INPP5K: variants seen among roughly 807,000 people sequenced by gnomAD.
INPP5K encodes the protein inositol polyphosphate 5-phosphatase K.
Under a neutral mutation model 53.5 loss-of-function variants are expected in INPP5K, and 35 were observed. That is an observed-to-expected ratio of 0.65 (90% confidence interval 0.50 to 0.87). The LOEUF (loss-of-function observed/expected upper bound fraction) is 0.87, where lower values mean the gene tolerates loss of function less well. Among genes scored for constraint, INPP5K ranks in the 40% least tolerant of loss-of-function variants. The probability of loss-of-function intolerance (pLI) is 0.00; values close to 1 mark genes in which losing one functional copy is unlikely to be tolerated. For missense variants in INPP5K, 550 were observed against 586.2 expected, an observed-to-expected ratio of 0.94 and a Z score of 0.64; for synonymous variants, 253 against 232.8, an observed-to-expected ratio of 1.09 and a Z score of -0.79.
intron 1 of INPP5K, among the ~76,000 whole-genome samples, chr17:1,515,050 G>A (rs1054689537): frequency 1.3e-5 from 2 of 151,998 alleles, no homozygotes; most frequent in Non-Finnish European, 2.9e-5. Context: ...GGGATTACAG[G>A]TGTGTGCCAC....
rs751762669 is a variant in INPP5K at position 1,495,896 on chromosome 17, G to A, written c.1291-17C>T. On this transcript the variant is annotated splice_polypyrimidine_tract_variant and intron_variant, in intron 11 of 11. Coordinates refer to ENST00000421807, the MANE Select transcript of INPP5K (RefSeq NM_016532.4). ...AGGCGGGATCTGCAGGGATAAAGCA[G>A]GTGGTGGAAATGGAGAGCGGGTCTT... The A allele has an allele frequency of 1.2e-5, 20 of 1,606,310 alleles. 1 individual carries two copies. The highest frequency in any genetic ancestry group is 1.0e-4 in the Admixed American group (6 of 59,688).
Position 1,513,902 on chromosome 17 carries a change from C to A in INPP5K, c.122G>T (p.Arg41Leu), listed in dbSNP as rs774454087. 1 of 1,613,344 alleles carries A rather than the reference C, an allele frequency of 6.2e-7. No homozygotes were observed. Among genetic ancestry groups the A allele is most frequent in the East Asian group, 2.2e-5 (1 of 44,864 alleles). Reference sequence around the variant, plus strand: ...AACATATATGTCAAGATTGAGGTTCCGGTTGTTCAGCTGAAGCAGGTCACT... The same window carrying A: ...AACATATATGTCAAGATTGAGGTTCAGGTTGTTCAGCTGAAGCAGGTCACT... ...DLSDLLQLNN[R>L]NLNLDIYVIG... The change falls in exon 2 of 12, where the codon CGG (arginine) becomes CTG (leucine). Residue 41 changes from arginine (R) to leucine (L), a missense_variant. By Grantham distance (102) the Arg-to-Leu change is moderately radical. Coordinates refer to ENST00000421807, the MANE Select transcript of INPP5K (RefSeq NM_016532.4).
chr17:1,505,599 T>C (rs994531047), intron 7 of INPP5K, among the ~76,000 whole-genome samples: 4 of 152,070 alleles, frequency 2.6e-5, no homozygotes, highest in African/African-American at 9.7e-5. Flanking sequence ...GACCCTACCC[T>C]GTCTTGCTCC....
chr17:1,497,223 C>T (rs1027749056), intron 8 of INPP5K, among the ~76,000 whole-genome samples: 4 of 152,228 alleles, frequency 2.6e-5, no homozygotes, highest in African/African-American at 4.8e-5. Flanking sequence ...CGGTGGCTCA[C>T]ACCCATAATC....
At chr17:1,508,419 G>A (rs1490236631) in intron 5 of INPP5K, 193 bp from the exon 6 acceptor site, 1 of 581,614 alleles carries the variant, frequency 1.7e-6, no homozygotes, top group African/African-American at 1.9e-5. Context: ...AAACCGGAGA[G>A]ACCTACCAAA....
chr17:1,514,003 G>A, intron 1 of INPP5K, 24 bp from the exon 2 acceptor site: 1 of 1,539,382 alleles, frequency 6.5e-7, no homozygotes, highest in South Asian at 1.1e-5. Flanking sequence ...GCAGAGGGAA[G>A]TCATGGAGGA....
intron 2 of INPP5K, 56 bp from the exon 3 acceptor site, chr17:1,513,617 A>G: frequency 6.9e-7 from 1 of 1,443,704 alleles, no homozygotes; most frequent in Non-Finnish European, 9.8e-7. Context: ...TTCCCCTGCC[A>G]CAGATATTTG....
intron 7 of INPP5K, among the ~76,000 whole-genome samples, chr17:1,501,841 AC>A (rs750995228): frequency 6.0e-5 from 9 of 149,984 alleles, no homozygotes; most frequent in Admixed American, 2.7e-4. Context: ...ACATGGTGAA[AC>A]CCCGTCTCTA....
intron 3 of INPP5K, among the ~76,000 whole-genome samples, chr17:1,512,378 G>A (rs2075329489): frequency 1.3e-5 from 2 of 152,102 alleles, no homozygotes; most frequent in African/African-American, 4.8e-5. Context: ...GATGTGGAGG[G>A]AACCAAGGAC....
chr17:1,504,054 G>A (rs2075098781), intron 7 of INPP5K, among the ~76,000 whole-genome samples: 1 of 152,194 alleles, frequency 6.6e-6, no homozygotes, highest in Non-Finnish European at 1.5e-5. Flanking sequence ...GCCTCTCCTA[G>A]CTTTAGCTGT....
At chr17:1,514,054 G>T in intron 1 of INPP5K, 75 bp from the exon 2 acceptor site, 1 of 975,472 alleles carries the variant, frequency 1.0e-6, no homozygotes, top group Non-Finnish European at 1.5e-6. Context: ...GGGCGCAGAG[G>T]CTCACACGTT....
At chr17:1,508,491 CG>C (rs1216666380) in intron 5 of INPP5K, 2 of 445,480 alleles carry the variant, frequency 4.5e-6, no homozygotes, top group African/African-American at 4.0e-5. Context: ...TAACTGGTCA[CG>C]AGGAAAGGCT....
chr17:1,507,318 T>C (rs1348106315), intron 6 of INPP5K: 2 of 550,546 alleles, frequency 3.6e-6, no homozygotes, highest in Non-Finnish European at 6.4e-6. Context: ...CTGTCTGCCG[T>C]TTCCCAGTCC....
chr17:1,496,983 G>A (rs534137237), intron 8 of INPP5K, among the ~76,000 whole-genome samples, 180 bp from the exon 9 acceptor site: 3 of 152,220 alleles, frequency 2.0e-5, no homozygotes, highest in Non-Finnish European at 4.4e-5. Context: ...AAAGAGGGCC[G>A]AACACCAGTC....
At chr17:1,509,519 C>T (rs2075256591) in intron 4 of INPP5K, among the ~76,000 whole-genome samples, 164 bp downstream of exon 4, 1 of 152,130 alleles carries the variant, frequency 6.6e-6, no homozygotes, top group African/African-American at 2.4e-5. Context: ...CCCAGCTCGC[C>T]TCGCCTGGCC....
chr17:1,511,851 G>T (rs2075316766), intron 3 of INPP5K, among the ~76,000 whole-genome samples: 1 of 143,136 alleles, frequency 7.0e-6, no homozygotes, highest in Admixed American at 7.0e-5. Flanking sequence ...CTTTGTGAAG[G>T]AGCAGCAGGG....
chr17:1,516,539 G>C lies in INPP5K; in HGVS notation c.-40C>G. 6.5e-7 allele frequency: 1 copy of C among 1,538,032 alleles called. No individual in the cohort carries two copies. Among genetic ancestry groups the C allele is most frequent in the East Asian group, 2.5e-5 (1 of 39,794 alleles). On this transcript the variant is annotated 5_prime_UTR_variant, in exon 1 of 12. Transcript: ENST00000421807. ...CCGCGCGGTGGTCCGGCAGGTTCGC[G>C]TCTCCCGGCCAGCGGGTCCCGGCCA...
At chr17:1,496,850 C>T (rs1217231033) in intron 8 of INPP5K, 47 bp from the exon 9 acceptor site, 2 of 1,595,492 alleles carry the variant, frequency 1.3e-6, no homozygotes, top group South Asian at 1.1e-5. Flanking sequence ...GCATCATTCC[C>T]TCCTCTGAGG....
intron 7 of INPP5K, among the ~76,000 whole-genome samples, chr17:1,503,774 G>A (rs2075091365): frequency 6.6e-6 from 1 of 152,122 alleles, no homozygotes; most frequent in Non-Finnish European, 1.5e-5. Context: ...CAAAACTCCA[G>A]TGTAACCCCG....
Sources: gnomAD v4.1 joint callset for allele counts (sites outside exome capture counted in the v4.1 genomes callset) on GRCh38, gnomAD v4.1.1 for gene constraint, MANE v1.5 for transcripts, NCBI Gene and HGNC (gene_info 2026-07-23, HGNC 2026-07-21) for gene names.